The following KCNMA1 variants were observed in gnomAD, a reference collection of about 807,000 sequenced individuals.
The protein encoded by KCNMA1 is Calcium-activated potassium channel subunit alpha-1.
A neutral mutation model predicts 140.0 loss-of-function variants in KCNMA1; 29 were observed. That is an observed-to-expected ratio of 0.21 (90% CI 0.15 to 0.28). The LOEUF is 0.28. Among genes scored for constraint, KCNMA1 ranks in the 10% least tolerant of loss-of-function variants. The pLI, the probability that KCNMA1 is intolerant of heterozygous loss-of-function variation, is 1.00. For missense variants in KCNMA1, 880 were observed against 1,602.2 expected, an observed-to-expected ratio of 0.55 and a Z score of 7.70; for synonymous variants, 612 against 611.9, an observed-to-expected ratio of 1.00 and a Z score of 0.00.
In KCNMA1 at chr10:77,194,702, T is replaced by C. The variant is rs142228868; in HGVS notation, c.603-9786A>G. The stretch of plus-strand genomic sequence containing the variant: ...AGAGGTCTATTACAGTTCCAACTCT[T>C]GTACCTCTTGGCACATCTGCACTCA... On this transcript the variant is annotated intron_variant, in intron 3 of 27. Coordinates refer to ENST00000286628, the MANE Select transcript of KCNMA1 (RefSeq NM_001161352.2). Among the ~76,000 whole-genome samples the C allele has an allele frequency of 8.4e-4, 128 of 152,190 alleles. 1 individual carries two copies. In the East Asian group the frequency reaches 0.022, roughly 26 times the overall value.
Position 77,577,928 on chromosome 10 carries a change from C to T in KCNMA1, c.378+59337G>A, listed in dbSNP as rs1327184885. On this transcript the variant is annotated intron_variant, in intron 1 of 27. Coordinates refer to ENST00000286628, the MANE Select transcript of KCNMA1 (RefSeq NM_001161352.2). ...AATCCTCTGCAGGTACCTTGATAAA[C>T]ATCCAGTAAGGACCAAACAGGTGCC... Among the ~76,000 whole-genome samples the T allele has an allele frequency of 2.6e-5, 4 of 152,230 alleles. No individual in the cohort carries two copies. In the East Asian group the frequency reaches 5.8e-4, roughly 22 times the overall value.
chr10:76,977,921 CA>C (rs2078174665), intron 19 of KCNMA1: 6 of 415,704 alleles, frequency 1.4e-5, no homozygotes, highest in Non-Finnish European at 1.7e-5. Context: ...CGTGTGCTGC[CA>C]GTCCACCCTG....
intron 3 of KCNMA1, among the ~76,000 whole-genome samples, chr10:77,213,821 T>C (rs533359467): frequency 2.0e-5 from 3 of 152,234 alleles, no homozygotes; most frequent in African/African-American, 4.8e-5. Flanking sequence ...TATCTCGGCC[T>C]CAAACACCCC....
chr10:77,427,826 T>G (rs928052707), intron 1 of KCNMA1, among the ~76,000 whole-genome samples: 5 of 151,882 alleles, frequency 3.3e-5, no homozygotes, highest in African/African-American at 1.2e-4. Flanking sequence ...CTCGGCTCAC[T>G]GCTGCAACCT....
chr10:77,466,100 C>T (rs2098003141), intron 1 of KCNMA1, among the ~76,000 whole-genome samples: 1 of 152,196 alleles, frequency 6.6e-6, no homozygotes, highest in Admixed American at 6.5e-5. Flanking sequence ...AGGCCCAGGG[C>T]TGCATCCACC....
chr10:76,986,551 G>T (rs76189817), intron 19 of KCNMA1, among the ~76,000 whole-genome samples: 4,371 of 152,274 alleles, frequency 0.029, 212 homozygotes, highest in African/African-American at 0.098. Context: ...TGCAAAGGGT[G>T]AAGGGGAATC....
At chr10:77,190,653 G>A (rs1598343033) in intron 3 of KCNMA1, among the ~76,000 whole-genome samples, 1 of 152,168 alleles carries the variant, frequency 6.6e-6, no homozygotes, top group African/African-American at 2.4e-5. Flanking sequence ...GGTGGTCTAG[G>A]AAAATGCAGA....
intron 2 of KCNMA1, among the ~76,000 whole-genome samples, chr10:77,269,878 G>A (rs1025206577): frequency 2.0e-5 from 3 of 152,244 alleles, no homozygotes; most frequent in South Asian, 2.1e-4. Context: ...TTGAAACCAC[G>A]GTGATAGGGA....
chr10:76,874,427 T>G (rs1275420986), downstream of KCNMA1: 1 of 152,124 alleles, frequency 6.6e-6, no homozygotes. Flanking sequence ...GACCTTAGAG[T>G]CATCTAGATG....
At chr10:77,076,761 T>A (rs748178643) in intron 13 of KCNMA1, among the ~76,000 whole-genome samples, 3 of 152,186 alleles carry the variant, frequency 2.0e-5, no homozygotes, top group Non-Finnish European at 4.4e-5. Flanking sequence ...TGTCTACAAT[T>A]ATGATGATGA....
chr10:76,880,654 G>C (rs543099498), downstream of KCNMA1, among the ~76,000 whole-genome samples: 20 of 152,328 alleles, frequency 1.3e-4, no homozygotes, highest in African/African-American at 4.8e-4. Context: ...GCTGCAAGTA[G>C]GACAATGATA....
chr10:77,130,035 A>G (rs985111337), intron 5 of KCNMA1, among the ~76,000 whole-genome samples: 19 of 152,172 alleles, frequency 1.2e-4, no homozygotes, highest in Non-Finnish European at 5.9e-5. Flanking sequence ...AAACTGTTCC[A>G]TAATACAAAA....
intron 16 of KCNMA1, among the ~76,000 whole-genome samples, chr10:77,021,337 A>G (rs1229715999): frequency 6.6e-6 from 1 of 152,220 alleles, no homozygotes; most frequent in East Asian, 1.9e-4. Context: ...AATGCCTCTA[A>G]GAGAGTTAAA....
intron 14 of KCNMA1, among the ~76,000 whole-genome samples, chr10:77,061,591 C>T (rs563308130): frequency 6.6e-6 from 1 of 152,208 alleles, no homozygotes; most frequent in African/African-American, 2.4e-5. Context: ...CTGGAAAACA[C>T]TTTGGCAGTT....
intron 2 of KCNMA1, among the ~76,000 whole-genome samples, chr10:77,264,966 CT>C (rs972169309): frequency 6.6e-6 from 1 of 152,130 alleles, no homozygotes; most frequent in African/African-American, 2.4e-5. Context: ...GAAGAATGCC[CT>C]TTTTTTCTGG....
At chr10:76,957,480 C>G (rs1465952116) in intron 20 of KCNMA1, among the ~76,000 whole-genome samples, 2 of 152,116 alleles carry the variant, frequency 1.3e-5, no homozygotes, top group African/African-American at 4.8e-5. Context: ...GGTTCCAAAA[C>G]AGGAAGATTG....
intron 17 of KCNMA1, chr10:77,012,456 G>C: frequency 6.5e-7 from 1 of 1,549,696 alleles, no homozygotes. Flanking sequence ...ATATATTTGA[G>C]GGGGCAGAAG....
chr10:76,952,308 C>T, intron 21 of KCNMA1: 1 of 788,696 alleles, frequency 1.3e-6, no homozygotes, highest in Non-Finnish European at 1.9e-6. Flanking sequence ...ATCATGAGCT[C>T]AAGAAATCGA....
intron 19 of KCNMA1, among the ~76,000 whole-genome samples, chr10:76,991,751 T>G (rs577840738): frequency 4.3e-4 from 65 of 152,288 alleles, no homozygotes; most frequent in African/African-American, 1.5e-3. Flanking sequence ...ATTTTTGACC[T>G]TGGAGGGAGG....
Sources: allele counts gnomAD v4.1 joint callset (sites outside exome capture counted in the v4.1 genomes callset), GRCh38; gene constraint gnomAD v4.1.1; transcripts MANE v1.5; gene names NCBI Gene and HGNC (gene_info 2026-07-23, HGNC 2026-07-21).